The following TMCO5A variants were observed in gnomAD, a reference collection of about 807,000 sequenced individuals.
TMCO5A encodes the protein transmembrane and coiled-coil domain-containing protein 5A.
A neutral mutation model predicts 42.3 loss-of-function variants in TMCO5A; 34 were observed. The observed-to-expected ratio is 0.80, with a 90% confidence interval of 0.61 to 1.07. The LOEUF (loss-of-function observed/expected upper bound fraction) is 1.07, where lower values mean the gene tolerates loss of function less well. TMCO5A is among the 50% of genes least tolerant of loss of function. The pLI is 0.00. For missense variants in TMCO5A, 357 were observed against 327.9 expected (o/e 1.09, Z -0.69); for synonymous variants, 131 against 115.6 (o/e 1.13, Z -0.86).
rs762488878 is a variant in TMCO5A, at chr15:37,936,313, G to C, written c.-10-1G>C. ...GTTCATTTTGGGGGCTGAGTCTATA[G>C]GTCGGAGAAAATGGAAATCTCAAGA... On this transcript the variant is annotated splice_acceptor_variant, in intron 2 of 11. Transcript: ENST00000319669. LOFTEE classifies it low-confidence loss of function (5UTR_SPLICE). The C allele has an allele frequency of 6.2e-7, 1 of 1,608,080 alleles. No homozygotes were observed.
At chr15:37,948,857 A>T (rs1484301924) in intron 11 of TMCO5A, among the ~76,000 whole-genome samples, 2 of 152,046 alleles carry the variant, frequency 1.3e-5, no homozygotes, top group Non-Finnish European at 2.9e-5. Flanking sequence ...CTGAAATTTC[A>T]TGGAGAGTGG....
intron 11 of TMCO5A, among the ~76,000 whole-genome samples, chr15:37,964,343 C>T (rs1890505970): frequency 6.6e-6 from 1 of 152,144 alleles, no homozygotes; most frequent in Non-Finnish European, 1.5e-5. Context: ...AGAGTCCTGT[C>T]ATATGAACTG....
the TMCO5A span, among the ~76,000 whole-genome samples, chr15:37,991,852 C>A: frequency 6.6e-6 from 1 of 151,966 alleles, no homozygotes; most frequent in African/African-American, 2.4e-5. Flanking sequence ...GTACAAAAAC[C>A]AACTTAAGAT....
chr15:37,947,560 C>G, intron 10 of TMCO5A, 96 bp from the exon 11 acceptor site: 1 of 813,088 alleles, frequency 1.2e-6, no homozygotes, highest in Non-Finnish European at 2.0e-6. Flanking sequence ...TTAAAGTTAT[C>G]TAAATAACAT....
Position 37,941,178 on chromosome 15 carries a change from T to A in TMCO5A, c.417T>A (p.Tyr139Ter). The A allele has an allele frequency of 6.2e-7, 1 of 1,613,240 alleles. No individual in the cohort carries two copies. Among genetic ancestry groups the A allele is most frequent in the South Asian group, 1.1e-5 (1 of 91,028 alleles). The change falls in exon 7 of 12, where the codon TAT (tyrosine) becomes TAA (stop). Residue 139 changes from tyrosine to a stop codon, truncating the protein, a stop_gained. Coordinates refer to ENST00000319669, the MANE Select transcript of TMCO5A (RefSeq NM_152453.4). LOFTEE classifies it high-confidence loss of function. ...AGTTACAACAGCTGGAAGCTTCCTA[T>A]GCATGCCAAGAGAAGGAGCTGCTCA... is the stretch of plus-strand genomic sequence containing the variant. ...KVKLQQLEAS[Y>*]ACQEKELLKV...
At chr15:38,028,289 T>C in the TMCO5A span, among the ~76,000 whole-genome samples, 1 of 152,206 alleles carries the variant, frequency 6.6e-6, no homozygotes, top group South Asian at 2.1e-4. Context: ...ATTATGACCA[T>C]GTGGTGTTTA....
At chr15:38,037,221 A>G in the TMCO5A span, among the ~76,000 whole-genome samples, 1 of 152,210 alleles carries the variant, frequency 6.6e-6, no homozygotes. Context: ...GACTTAGTGC[A>G]GCCTATATTT....
At chr15:38,016,711 A>G in the TMCO5A span, among the ~76,000 whole-genome samples, 1 of 152,178 alleles carries the variant, frequency 6.6e-6, no homozygotes, top group African/African-American at 2.4e-5. Flanking sequence ...AAATTATGGA[A>G]TGCTCCTGCT....
chr15:37,936,419 GA>G lies in TMCO5A; in HGVS notation c.99del (p.Lys33AsnfsTer67). ...CGCAGAGAATAGATGAAGCAAATCAGAAACTTCTTCTCAAAATCCAAGAGAG... is the reference window on the plus strand; with the variant it reads ...CGCAGAGAATAGATGAAGCAAATCAGAACTTCTTCTCAAAATCCAAGAGAG... ...DTQRIDEANQ[K>X]LLLKIQERED... On this transcript the variant is annotated frameshift_variant, in exon 3 of 12. Transcript: ENST00000319669. LOFTEE classifies it high-confidence loss of function. 1.9e-6 allele frequency: 3 copies of G among 1,613,056 alleles called. No individual in the cohort carries two copies. Among genetic ancestry groups the G allele is most frequent in the Non-Finnish European group, 2.5e-6 (3 of 1,179,398 alleles).
intron 11 of TMCO5A, among the ~76,000 whole-genome samples, chr15:37,966,137 T>C (rs2140823547): frequency 6.6e-6 from 1 of 152,242 alleles, no homozygotes; most frequent in Admixed American, 6.5e-5. Flanking sequence ...TAAATGAAAT[T>C]ACCCATGCAC....
chr15:37,948,635 T>G (rs1224468672), intron 11 of TMCO5A, among the ~76,000 whole-genome samples: 2 of 152,144 alleles, frequency 1.3e-5, no homozygotes, highest in East Asian at 3.9e-4. Context: ...ACTGTCTGCC[T>G]AAAGAGACTT....
chr15:37,966,119 C>T (rs2140823537), intron 11 of TMCO5A, among the ~76,000 whole-genome samples: 1 of 152,194 alleles, frequency 6.6e-6, no homozygotes. Flanking sequence ...AACTGGAGGC[C>T]ATTATGCTAA....
chr15:37,967,435 C>A (rs1458881545), exon 12 of TMCO5A: 3 of 152,046 alleles, frequency 2.0e-5, no homozygotes, highest in Admixed American at 2.0e-4. Flanking sequence ...AATATCTAGC[C>A]ACAGGCAAAT....
At chr15:37,968,677 G>T (rs1251440941), downstream of TMCO5A, among the ~76,000 whole-genome samples, 1 of 151,176 alleles carries the variant, frequency 6.6e-6, no homozygotes, top group Non-Finnish European at 1.5e-5. Context: ...CCACCGCCCA[G>T]GTTCAAATTA....
intron 11 of TMCO5A, among the ~76,000 whole-genome samples, chr15:37,961,958 A>C (rs1890438427): frequency 6.6e-6 from 1 of 151,946 alleles, no homozygotes; most frequent in Non-Finnish European, 1.5e-5. Flanking sequence ...TAGGGTTTTC[A>C]AGGTAAACAA....
chr15:38,001,018 G>T, the TMCO5A span, among the ~76,000 whole-genome samples: 1 of 152,024 alleles, frequency 6.6e-6, no homozygotes, highest in Non-Finnish European at 1.5e-5. Flanking sequence ...AGGTGCACTT[G>T]GTCTATAGTG....
the TMCO5A span, among the ~76,000 whole-genome samples, chr15:38,033,559 A>ATTTT: frequency 0.01 from 1,501 of 145,454 alleles, 26 homozygotes; most frequent in African/African-American, 0.035. Context: ...TTCTCCCTCC[A>ATTTT]TTTTTTTTTT....
chr15:38,038,406 C>CTTT, the TMCO5A span, among the ~76,000 whole-genome samples: 3 of 139,054 alleles, frequency 2.2e-5, no homozygotes, highest in Admixed American at 7.2e-5. Context: ...ATGAAAATTT[C>CTTT]TTTTTTTTTT....
chr15:37,936,792 T>C, intron 3 of TMCO5A, 55 bp from the exon 4 acceptor site: 1 of 1,603,316 alleles, frequency 6.2e-7, no homozygotes. Flanking sequence ...CTGTGTTTTA[T>C]CAGTTCTGAA....
Sources: allele counts gnomAD v4.1 joint callset (sites outside exome capture counted in the v4.1 genomes callset), GRCh38; gene constraint gnomAD v4.1.1; transcripts MANE v1.5; gene names NCBI Gene and HGNC (gene_info 2026-07-23, HGNC 2026-07-21).